Variants in GALNT17 observed in about 807,000 individuals in gnomAD.
The protein encoded by GALNT17 is polypeptide N-acetylgalactosaminyltransferase 17, also known as UDP-GalNAc:polypeptide N-acetylgalactosaminyltransferase-like 3.
GALNT17 carries 29 observed loss-of-function variants against 63.7 expected under a neutral mutation model. The observed-to-expected ratio is 0.46, with a 90% confidence interval of 0.34 to 0.62. The LOEUF (loss-of-function observed/expected upper bound fraction) is 0.62, where lower values mean the gene tolerates loss of function less well. Among genes scored for constraint, GALNT17 ranks in the 20% least tolerant of loss-of-function variants. GALNT17 has a pLI of 0.01. For missense variants in GALNT17, 603 were observed against 799.6 expected, an observed-to-expected ratio of 0.75 and a Z score of 2.97; for synonymous variants, 305 against 318.3, an observed-to-expected ratio of 0.96 and a Z score of 0.45.
intron 3 of GALNT17, among the ~76,000 whole-genome samples, chr7:71,389,264 G>A (rs1352889198): frequency 6.6e-6 from 1 of 152,002 alleles, no homozygotes; most frequent in East Asian, 1.9e-4. Context: ...CTCCCGAGTA[G>A]CTGGGACTGC....
At chr7:71,178,680 T>C (rs1788683026) in intron 1 of GALNT17, among the ~76,000 whole-genome samples, 1 of 152,222 alleles carries the variant, frequency 6.6e-6, no homozygotes, top group African/African-American at 2.4e-5. Flanking sequence ...TTAATCTCAT[T>C]CCAGTTAGTG....
At chr7:71,264,804 C>T (rs114885802) in intron 1 of GALNT17, among the ~76,000 whole-genome samples, 125 of 151,670 alleles carry the variant, frequency 8.2e-4, no homozygotes, top group African/African-American at 2.9e-3. Context: ...GAGAGTGAAG[C>T]GATAGATACC....
chr7:71,255,881 C>T (rs944811154), intron 1 of GALNT17, among the ~76,000 whole-genome samples: 1 of 152,144 alleles, frequency 6.6e-6, no homozygotes, highest in Non-Finnish European at 1.5e-5. Context: ...ACTGTCCTCT[C>T]GGCCAAGGGC....
At chr7:71,134,706 G>T (rs1787749081) in intron 1 of GALNT17, among the ~76,000 whole-genome samples, 4 of 151,986 alleles carry the variant, frequency 2.6e-5, no homozygotes, top group Admixed American at 2.0e-4. Context: ...CTTACGGGGT[G>T]GCCTTATAAT....
intron 6 of GALNT17, among the ~76,000 whole-genome samples, chr7:71,646,747 C>CTTTT (rs60956531): frequency 3.4e-4 from 43 of 128,084 alleles, no homozygotes; most frequent in African/African-American, 1.2e-3. Context: ...TCCAAGTTTC[C>CTTTT]TTTTTTTTTT....
chr7:71,684,193 A>G (rs1221996426), intron 9 of GALNT17, among the ~76,000 whole-genome samples: 1 of 151,810 alleles, frequency 6.6e-6, no homozygotes, highest in African/African-American at 2.4e-5. Flanking sequence ...CCACAGTGAA[A>G]CCAGAACACT....
At chr7:71,217,779 T>C (rs1459944838) in intron 1 of GALNT17, among the ~76,000 whole-genome samples, 1 of 151,542 alleles carries the variant, frequency 6.6e-6, no homozygotes, top group Non-Finnish European at 1.5e-5. Flanking sequence ...ACAAAAAAAA[T>C]TAACTGGGCA....
rs899126819 is a variant in GALNT17 at position 71,306,253 on chromosome 7, A to T, written c.239-29297A>T. Among the ~76,000 whole-genome samples the T allele has an allele frequency of 4.9e-5, 7 of 141,656 alleles. No homozygotes were observed. The East Asian group carries it at 1.4e-3, about 29-fold the overall frequency. 92.9% of individuals were successfully genotyped at this position (141,656 alleles called of 152,430 possible). On this transcript the variant is annotated intron_variant, in intron 1 of 10. Transcript: ENST00000333538. ...TAAAATAAATTCTAATTTTGGTAAA[A>T]CATACATAACATGAAATTTACCATC...
intron 5 of GALNT17, among the ~76,000 whole-genome samples, chr7:71,556,907 CAATT>C (rs759557019): frequency 7.9e-5 from 12 of 151,762 alleles, no homozygotes; most frequent in Non-Finnish European, 1.2e-4. Context: ...CTCTAATTCC[CAATT>C]AATTATTTTT....
intron 1 of GALNT17, among the ~76,000 whole-genome samples, chr7:71,224,880 A>G (rs928055281): frequency 6.6e-6 from 1 of 152,168 alleles, no homozygotes; most frequent in African/African-American, 2.4e-5. Context: ...AACCTTTTGA[A>G]TATTCAACCC....
At chr7:71,700,238 G>A (rs547573159) in intron 9 of GALNT17, among the ~76,000 whole-genome samples, 4 of 152,000 alleles carry the variant, frequency 2.6e-5, no homozygotes, top group Non-Finnish European at 4.4e-5. Flanking sequence ...AGCCCAGGTG[G>A]CGGAGGTTGC....
intron 2 of GALNT17, among the ~76,000 whole-genome samples, chr7:71,369,641 C>T (rs993549125): frequency 1.1e-4 from 17 of 151,846 alleles, no homozygotes; most frequent in Middle Eastern, 3.4e-3. Context: ...GGAGAAACCC[C>T]GTCTCTACTA....
rs3048366 is a variant in GALNT17 at position 71,576,529 on chromosome 7, TTGTGTG to T, written c.1080+5159_1080+5164del. ...TGCCAGCATCTGTTGTTTTTTAACT[TTGTGTG>T]TGTGTGTGTGTGTGTGTGTGTGTGT... On this transcript the variant is annotated intron_variant, in intron 6 of 10. Transcript: ENST00000333538. Among the ~76,000 whole-genome samples, 298 of 142,904 alleles carry T rather than the reference TTGTGTG, an allele frequency of 2.1e-3. 2 individuals carry two copies. The highest frequency in any genetic ancestry group is 6.4e-3 in the African/African-American group (247 of 38,442). 93.8% of individuals were successfully genotyped at this position (142,904 alleles called of 152,430 possible). A position where few individuals can be genotyped will look rare whatever the true frequency, so the allele number is the denominator to read the frequency against.
At chr7:71,431,783 G>A (rs1467929149) in intron 5 of GALNT17, among the ~76,000 whole-genome samples, 1 of 152,260 alleles carries the variant, frequency 6.6e-6, no homozygotes, top group Admixed American at 6.5e-5. Context: ...GGGTCTTAAA[G>A]CCCACTGTCA....
intron 1 of GALNT17, among the ~76,000 whole-genome samples, chr7:71,198,480 G>A (rs1444460453): frequency 1.3e-5 from 2 of 152,308 alleles, no homozygotes; most frequent in African/African-American, 4.8e-5. Flanking sequence ...CTTCGCTAGA[G>A]AGATCGAGAA....
At chr7:71,637,759 C>T (rs1261913935) in intron 6 of GALNT17, among the ~76,000 whole-genome samples, 1 of 152,130 alleles carries the variant, frequency 6.6e-6, no homozygotes, top group Non-Finnish European at 1.5e-5. Context: ...GCTCAGCCAG[C>T]ATGTCAGACC....
chr7:71,281,693 C>T (rs144427448), intron 1 of GALNT17, among the ~76,000 whole-genome samples: 183 of 152,292 alleles, frequency 1.2e-3, no homozygotes, highest in African/African-American at 4.2e-3. Flanking sequence ...GCAGTAGCAA[C>T]GTGCCCCTGT....
At chr7:71,609,807 TAA>T (rs892347550) in intron 6 of GALNT17, among the ~76,000 whole-genome samples, 2 of 152,124 alleles carry the variant, frequency 1.3e-5, no homozygotes, top group African/African-American at 4.8e-5. Context: ...TAATTATTAC[TAA>T]GTTATTATTA....
chr7:71,661,582 A>C (rs1790908095), intron 6 of GALNT17, among the ~76,000 whole-genome samples: 1 of 152,184 alleles, frequency 6.6e-6, no homozygotes, highest in African/African-American at 2.4e-5. Context: ...GCTAAAGTGC[A>C]GACTTAGGCT....
Sources: allele counts gnomAD v4.1 joint callset (sites outside exome capture counted in the v4.1 genomes callset), GRCh38; gene constraint gnomAD v4.1.1; transcripts MANE v1.5; gene names NCBI Gene and HGNC (gene_info 2026-07-23, HGNC 2026-07-21).